Variants in TRIM5 observed in about 807,000 individuals in gnomAD.
TRIM5 encodes the protein tripartite motif containing 5.
TRIM5 carries 31 observed loss-of-function variants against 35.6 expected under a neutral mutation model. The observed-to-expected ratio is 0.87, with a 90% CI of 0.65 to 1.18. The LOEUF (loss-of-function observed/expected upper bound fraction) is 1.18. TRIM5 is among the 50% of genes most tolerant of loss of function. The pLI is 0.00. For synonymous variants in TRIM5, 243 were observed against 215.6 expected, an observed-to-expected ratio of 1.13 and a Z score of -1.11; for missense variants, 609 against 591.6, an observed-to-expected ratio of 1.03 and a Z score of -0.31.
the TRIM5 span, among the ~76,000 whole-genome samples, chr11:5,651,196 A>G: frequency 6.6e-6 from 1 of 152,208 alleles, no homozygotes; most frequent in Admixed American, 6.5e-5. Flanking sequence ...GGATATTTCC[A>G]TACACCTCAC....
chr11:5,664,983 A>G lies in TRIM5; in HGVS notation c.1308T>C (p.Asp436=). The part of the protein sequence containing the change: ...IVPLSVIICP[D]RVGVFLDYEA... ...CATAGTCTAGGAAAACTCCAACACG[A>G]TCAGGACAAATAATCACAGAGAGGG... Residue 436 remains aspartate, a synonymous_variant, in exon 8 of 8, where the codon GAT becomes GAC. Transcript: ENST00000380034. 1.2e-6 allele frequency: 2 copies of G among 1,614,186 alleles called. No individual in the cohort carries two copies. Among genetic ancestry groups the G allele is most frequent in the Non-Finnish European group, 1.7e-6 (2 of 1,180,028 alleles).
the TRIM5 span, chr11:5,633,666 C>T: frequency 3.8e-5 from 30 of 786,180 alleles, no homozygotes; most frequent in Middle Eastern, 1.5e-3. Context: ...TTCCCCATGT[C>T]ATAGATTCTA....
the TRIM5 span, among the ~76,000 whole-genome samples, chr11:5,599,188 A>T: frequency 6.6e-6 from 1 of 152,240 alleles, no homozygotes; most frequent in Non-Finnish European, 1.5e-5. Context: ...TTGTTCATTT[A>T]CCAGTTAGTG....
At chr11:5,623,786 A>C in the TRIM5 span, among the ~76,000 whole-genome samples, 1 of 152,184 alleles carries the variant, frequency 6.6e-6, no homozygotes, top group South Asian at 2.1e-4. Context: ...TTGGATGTGG[A>C]TACATTTTTG....
chr11:5,641,523 T>C, the TRIM5 span, among the ~76,000 whole-genome samples: 1 of 152,210 alleles, frequency 6.6e-6, no homozygotes, highest in Non-Finnish European at 1.5e-5. Flanking sequence ...TTATTTTATA[T>C]GTGTTTGTCA....
chr11:5,675,743 C>A (rs1851919576), intron 4 of TRIM5, among the ~76,000 whole-genome samples: 1 of 146,514 alleles, frequency 6.8e-6, no homozygotes, highest in African/African-American at 2.5e-5. Context: ...AGTACATGTG[C>A]ACATTGTGCA....
chr11:5,645,464 C>G, the TRIM5 span, among the ~76,000 whole-genome samples: 1 of 150,848 alleles, frequency 6.6e-6, no homozygotes, highest in African/African-American at 2.4e-5. Context: ...GAAACATTGT[C>G]ATACAATTCA....
chr11:5,611,352 T>G, the TRIM5 span: 6 of 1,602,534 alleles, frequency 3.7e-6, no homozygotes, highest in South Asian at 6.7e-5. Flanking sequence ...AATATTCTTC[T>G]GTTCCCACCC....
At chr11:5,588,782 A>AT in the TRIM5 span, 30,383 of 148,102 alleles carry the variant, frequency 0.21, 3,666 homozygotes, top group African/African-American at 0.32. Flanking sequence ...CTGCCCACAG[A>AT]TTTTTTTTTT....
At chr11:5,634,771 G>C in the TRIM5 span, 1 of 1,614,052 alleles carries the variant, frequency 6.2e-7, no homozygotes, top group African/African-American at 1.3e-5. Flanking sequence ...CAGAGGCTGA[G>C]GATGAGCTAG....
In TRIM5 at chr11:5,678,302, T is replaced by C. The variant is rs749407862; in HGVS notation, c.646A>G (p.Asn216Asp). The C allele has an allele frequency of 6.2e-7, 1 of 1,614,170 alleles. No individual in the cohort carries two copies. Among genetic ancestry groups the C allele is most frequent in the Admixed American group, 1.7e-5 (1 of 60,030 alleles). Reference sequence around the variant, plus strand: ...TGCTGCACCATCTCAGTTTCAGAGTTCGTAAGGCTTTTCAGAATGTCTTCC... The same window carrying C: ...TGCTGCACCATCTCAGTTTCAGAGTCCGTAAGGCTTTTCAGAATGTCTTCC... ...EEEDILKSLT[N>D]SETEMVQQTQ... Residue 216 changes from asparagine (N) to aspartate (D), a missense_variant, in exon 4 of 8, where the codon AAC becomes GAC. Coordinates refer to ENST00000380034, the MANE Select transcript of TRIM5 (RefSeq NM_033034.3).
At chr11:5,629,442 T>C in the TRIM5 span, among the ~76,000 whole-genome samples, 1 of 152,178 alleles carries the variant, frequency 6.6e-6, no homozygotes, top group East Asian at 1.9e-4. Flanking sequence ...CTAGAACAAG[T>C]ATCAAAATGT....
At chr11:5,654,217 T>C in the TRIM5 span, among the ~76,000 whole-genome samples, 1 of 152,266 alleles carries the variant, frequency 6.6e-6, no homozygotes. Context: ...GTATCATGTT[T>C]TCTTGCTTTT....
the TRIM5 span, among the ~76,000 whole-genome samples, chr11:5,616,108 G>T: frequency 6.7e-6 from 1 of 149,446 alleles, no homozygotes; most frequent in Non-Finnish European, 1.5e-5. Context: ...CCACCACCAC[G>T]CCCGGCTAAT....
chr11:5,683,610 C>CG (rs1554939176), intron 1 of TRIM5, among the ~76,000 whole-genome samples: 1 of 152,102 alleles, frequency 6.6e-6, no homozygotes, highest in South Asian at 2.1e-4. Context: ...GTGTCTAGCT[C>CG]GGGGTTTGTG....
chr11:5,628,713 C>A, the TRIM5 span, among the ~76,000 whole-genome samples: 1 of 152,072 alleles, frequency 6.6e-6, no homozygotes, highest in African/African-American at 2.4e-5. Context: ...ACTGTTGTAA[C>A]CAATTATCAC....
intron 3 of TRIM5, among the ~76,000 whole-genome samples, 197 bp from the exon 4 acceptor site, chr11:5,678,631 G>C (rs1852181718): frequency 6.6e-6 from 1 of 152,094 alleles, no homozygotes; most frequent in Non-Finnish European, 1.5e-5. Context: ...TGGGTATATT[G>C]AGGTTCATCC....
chr11:5,596,920 T>C, the TRIM5 span: 1 of 1,614,096 alleles, frequency 6.2e-7, no homozygotes, highest in African/African-American at 1.3e-5. Context: ...GAGAGGTATG[T>C]CTACCGTTCT....
chr11:5,668,007 T>G (rs1851278452), intron 4 of TRIM5, among the ~76,000 whole-genome samples: 1 of 152,214 alleles, frequency 6.6e-6, no homozygotes, highest in South Asian at 2.1e-4. Flanking sequence ...TCTCCAAACG[T>G]ATATGGCTCT....
Sources: allele counts gnomAD v4.1 joint callset (sites outside exome capture counted in the v4.1 genomes callset), GRCh38; gene constraint gnomAD v4.1.1; transcripts MANE v1.5; gene names NCBI Gene and HGNC (gene_info 2026-07-23, HGNC 2026-07-21).